Variants in PRELID2 observed in about 807,000 individuals in gnomAD.
The protein encoded by PRELID2 is PRELI domain containing 2.
PRELID2 carries 25 observed loss-of-function variants against 28.4 expected under a neutral mutation model. The observed-to-expected ratio is 0.88, with a 90% CI of 0.64 to 1.23. The LOEUF (loss-of-function observed/expected upper bound fraction) is 1.23, where lower values mean the gene tolerates loss of function less well. PRELID2 is among the 50% of genes most tolerant of loss of function. The probability of loss-of-function intolerance (pLI) is 0.00; values close to 1 mark genes in which losing one functional copy is unlikely to be tolerated. For missense variants in PRELID2, 201 were observed against 214.4 expected (o/e 0.94, Z 0.39); for synonymous variants, 76 against 71.6 (o/e 1.06, Z -0.31).
At chr5:145,538,107 A>G (rs1752717013) in intron 1 of PRELID2, among the ~76,000 whole-genome samples, 2 of 151,784 alleles carry the variant, frequency 1.3e-5, no homozygotes, top group Admixed American at 6.6e-5. Flanking sequence ...CTTTTCCTCA[A>G]TGTGTGTTCT....
chr5:145,387,665 C>T, the PRELID2 span, among the ~76,000 whole-genome samples: 1 of 152,114 alleles, frequency 6.6e-6, no homozygotes, highest in Non-Finnish European at 1.5e-5. Flanking sequence ...AGCATGGTGG[C>T]TCACATCTGT....
chr5:145,537,648 C>G (rs1752710853), intron 1 of PRELID2, among the ~76,000 whole-genome samples: 1 of 151,456 alleles, frequency 6.6e-6, no homozygotes, highest in Non-Finnish European at 1.5e-5. Context: ...AATCTTTTGC[C>G]TGTTTTTTTA....
chr5:145,265,832 A>G, the PRELID2 span, among the ~76,000 whole-genome samples: 6 of 152,242 alleles, frequency 3.9e-5, no homozygotes, highest in Non-Finnish European at 7.3e-5. Context: ...AAGGACTTAA[A>G]TCTAAGACCT....
At chr5:145,348,577 C>G in the PRELID2 span, among the ~76,000 whole-genome samples, 1 of 152,006 alleles carries the variant, frequency 6.6e-6, no homozygotes, top group South Asian at 2.1e-4. Context: ...TATGTTAAGA[C>G]AAGAGGGTAT....
the PRELID2 span, among the ~76,000 whole-genome samples, chr5:145,447,620 C>A: frequency 3.9e-5 from 4 of 101,516 alleles, no homozygotes; most frequent in Admixed American, 2.2e-4. Flanking sequence ...ATCCCTCCCC[C>A]CTCCCCCCAC....
chr5:145,497,526 A>C (rs1580958869), intron 1 of PRELID2, among the ~76,000 whole-genome samples: 1 of 152,078 alleles, frequency 6.6e-6, no homozygotes, highest in East Asian at 1.9e-4. Flanking sequence ...CAAAATGTTT[A>C]CAGTGTTTTT....
chr5:145,550,054 C>A (rs2126680273), intron 1 of PRELID2, among the ~76,000 whole-genome samples: 1 of 152,124 alleles, frequency 6.6e-6, no homozygotes, highest in South Asian at 2.1e-4. Context: ...GGCCAGCAGA[C>A]CAATGGGGTT....
the PRELID2 span, among the ~76,000 whole-genome samples, chr5:145,448,169 T>A: frequency 6.6e-6 from 1 of 151,778 alleles, no homozygotes; most frequent in Non-Finnish European, 1.5e-5. Context: ...CCATTCTAAC[T>A]GGTGTGAGAT....
Position 145,817,875 on chromosome 5 carries a change from A to G in PRELID2, c.368+19T>C. The G allele has an allele frequency of 6.5e-7, 1 of 1,531,254 alleles. No individual in the cohort carries two copies. Among genetic ancestry groups the G allele is most frequent in the Non-Finnish European group, 8.8e-7 (1 of 1,142,594 alleles). 94.9% of individuals were successfully genotyped at this position (1,531,254 alleles called of 1,614,324 possible). A position where few individuals can be genotyped will look rare whatever the true frequency, so the allele number is the denominator to read the frequency against. ...ATCCCTGCAACCAAAACACACACAC[A>G]TATACACACGAGTCTTACCAATTTG... On this transcript the variant is annotated intron_variant, in intron 4 of 6. Transcript: ENST00000683046.
At chr5:145,391,533 G>A in the PRELID2 span, among the ~76,000 whole-genome samples, 21 of 152,134 alleles carry the variant, frequency 1.4e-4, no homozygotes, top group Non-Finnish European at 2.1e-4. Context: ...TTCCACCTAG[G>A]CTTCCAGTTT....
intron 1 of PRELID2, among the ~76,000 whole-genome samples, chr5:145,518,206 G>T (rs1323337082): frequency 6.6e-6 from 1 of 151,282 alleles, no homozygotes; most frequent in African/African-American, 2.4e-5. Flanking sequence ...TCTTGGTTTT[G>T]TTTGTGTGTT....
At chr5:145,754,379 A>T (rs556215855), downstream of PRELID2, 60 of 152,324 alleles carry the variant, frequency 3.9e-4, no homozygotes, top group Middle Eastern at 3.4e-3. Flanking sequence ...CCTTTAAATA[A>T]GTAATCATTG....
At chr5:145,459,200 G>A in the PRELID2 span, among the ~76,000 whole-genome samples, 1 of 152,268 alleles carries the variant, frequency 6.6e-6, no homozygotes, top group African/African-American at 2.4e-5. Context: ...AAATTCTGAT[G>A]TCCCCTGGGA....
the PRELID2 span, among the ~76,000 whole-genome samples, chr5:145,428,015 A>G: frequency 1.3e-5 from 2 of 151,936 alleles, no homozygotes; most frequent in Non-Finnish European, 2.9e-5. Flanking sequence ...CTGGAGTGCA[A>G]TGGTGCAATC....
At chr5:145,392,869 C>T in the PRELID2 span, among the ~76,000 whole-genome samples, 1 of 152,164 alleles carries the variant, frequency 6.6e-6, no homozygotes, top group Non-Finnish European at 1.5e-5. Flanking sequence ...TCTAATGCAG[C>T]CAATGGCATG....
At chr5:145,283,786 G>A in the PRELID2 span, among the ~76,000 whole-genome samples, 4 of 152,268 alleles carry the variant, frequency 2.6e-5, no homozygotes, top group Admixed American at 6.5e-5. Context: ...CCAGCTGAGA[G>A]CCCATTAGCT....
chr5:145,328,545 CT>C, the PRELID2 span, among the ~76,000 whole-genome samples: 163 of 152,034 alleles, frequency 1.1e-3, 1 homozygote, highest in Middle Eastern at 3.4e-3. Context: ...TGATGATGAG[CT>C]TTTTTTTCAT....
chr5:145,796,271 CTTTGA>C (rs754642621), intron 5 of PRELID2, 166 bp downstream of exon 5: 22 of 421,682 alleles, frequency 5.2e-5, no homozygotes, highest in Non-Finnish European at 8.8e-5. Flanking sequence ...TTTAGTTTTA[CTTTGA>C]TTTGAATTTA....
downstream of PRELID2, among the ~76,000 whole-genome samples, chr5:145,756,336 C>T (rs1240892322): frequency 6.6e-6 from 1 of 152,178 alleles, no homozygotes; most frequent in Non-Finnish European, 1.5e-5. Context: ...AGAATGCACA[C>T]ATAAATATCA....
Sources: allele counts gnomAD v4.1 joint callset (sites outside exome capture counted in the v4.1 genomes callset), GRCh38; gene constraint gnomAD v4.1.1; transcripts MANE v1.5; gene names NCBI Gene and HGNC (gene_info 2026-07-23, HGNC 2026-07-21).